DIP2B: variants seen among roughly 807,000 people sequenced by gnomAD.
DIP2B encodes the protein DIP2 acetate--CoA ligase B (putative).
In DIP2B, 76 loss-of-function variants were observed where a neutral mutation model predicts 198.0. The observed-to-expected ratio is 0.38, with a 90% CI of 0.32 to 0.46. DIP2B has a LOEUF of 0.46. DIP2B is among the 20% of genes least tolerant of loss of function. The pLI, the probability that DIP2B is intolerant of heterozygous loss-of-function variation, is 0.99. For missense variants in DIP2B, 1,559 were observed against 1,978.4 expected (o/e 0.79, Z 4.02); for synonymous variants, 701 against 739.1 (o/e 0.95, Z 0.84).
chr12:50,683,802 A>G (rs1488705504), intron 10 of DIP2B, among the ~76,000 whole-genome samples: 1 of 151,194 alleles, frequency 6.6e-6, no homozygotes, highest in Non-Finnish European at 1.5e-5. Context: ...AGATAAATAA[A>G]TAAAAAATAA....
intron 17 of DIP2B, among the ~76,000 whole-genome samples, chr12:50,697,836 G>A (rs374223246): frequency 9.2e-5 from 14 of 151,588 alleles, no homozygotes; most frequent in African/African-American, 2.9e-4. Flanking sequence ...GGCCCAGTAC[G>A]CAATACTTGA....
At position 50,648,520 on chromosome 12, in the gene DIP2B, C is replaced by T. The variant is rs182456293; in HGVS notation, c.301+7668C>T. ...CTGGGACTACAGGCACCTGCCACCA[C>T]GCCCGGCTAATTTTTTGTATTTTTA... is the stretch of plus-strand genomic sequence containing the variant. On this transcript the variant is annotated intron_variant, in intron 3 of 37. Coordinates refer to ENST00000301180, the MANE Select transcript of DIP2B (RefSeq NM_173602.3). 1.5e-3 allele frequency among the ~76,000 whole-genome samples: 233 copies of T among 152,140 alleles called. 2 individuals are homozygous for T. Among genetic ancestry groups the T allele is most frequent in the African/African-American group, 5.4e-3 (224 of 41,540 alleles).
intron 1 of DIP2B, among the ~76,000 whole-genome samples, chr12:50,530,015 T>C (rs1010463756): frequency 6.6e-6 from 1 of 152,206 alleles, no homozygotes; most frequent in African/African-American, 2.4e-5. Context: ...TAAAAAATAA[T>C]GCATTGTTCT....
chr12:50,614,176 C>G (rs1937653506), intron 1 of DIP2B, among the ~76,000 whole-genome samples: 1 of 152,256 alleles, frequency 6.6e-6, no homozygotes, highest in Middle Eastern at 3.4e-3. Context: ...TAAAACTGTT[C>G]TTAACTGGGC....
intron 1 of DIP2B, among the ~76,000 whole-genome samples, chr12:50,539,710 A>G (rs1237140074): frequency 6.6e-6 from 1 of 152,046 alleles, no homozygotes; most frequent in Non-Finnish European, 1.5e-5. Flanking sequence ...TAAAAGCTTA[A>G]AACACCTCTG....
intron 1 of DIP2B, among the ~76,000 whole-genome samples, chr12:50,541,240 C>T (rs1161831205): frequency 6.6e-6 from 1 of 152,062 alleles, no homozygotes; most frequent in African/African-American, 2.4e-5. Flanking sequence ...GTAAGTTCTT[C>T]CAGTCTTGAA....
intron 1 of DIP2B, among the ~76,000 whole-genome samples, chr12:50,605,185 C>T (rs1958970922): frequency 6.6e-6 from 1 of 152,144 alleles, no homozygotes; most frequent in African/African-American, 2.4e-5. Flanking sequence ...ATTCACGTAT[C>T]ATACAATATA....
Position 50,585,827 on chromosome 12 carries a change from C to T in DIP2B, c.101-40149C>T, listed in dbSNP as rs147836814. ...GAGAGACTCCCCAGAAGGTGACTTGCAGTCATCTAAGAGGATAACACTTTT... is the reference window on the plus strand; with the variant it reads ...GAGAGACTCCCCAGAAGGTGACTTGTAGTCATCTAAGAGGATAACACTTTT... On this transcript the variant is annotated intron_variant, in intron 1 of 37. Coordinates refer to ENST00000301180, the MANE Select transcript of DIP2B (RefSeq NM_173602.3). 2.9e-3 allele frequency among the ~76,000 whole-genome samples: 449 copies of T among 152,328 alleles called. 1 individual carries two copies. The highest frequency in any genetic ancestry group is 5.1e-3 in the Non-Finnish European group (346 of 68,032).
intron 1 of DIP2B, among the ~76,000 whole-genome samples, chr12:50,560,287 C>T (rs982601614): frequency 7.9e-5 from 12 of 151,342 alleles, no homozygotes; most frequent in African/African-American, 2.7e-4. Context: ...CCCAGCTACT[C>T]GGGAGGCTGA....
chr12:50,637,152 G>A (rs1439488603), intron 2 of DIP2B, among the ~76,000 whole-genome samples: 1 of 152,132 alleles, frequency 6.6e-6, no homozygotes, highest in Non-Finnish European at 1.5e-5. Context: ...GGAAAAATCT[G>A]TAACGGGCAT....
chr12:50,671,807 T>C (rs1938859792), intron 5 of DIP2B, among the ~76,000 whole-genome samples: 1 of 152,244 alleles, frequency 6.6e-6, no homozygotes, highest in South Asian at 2.1e-4. Context: ...GCAAAATCTA[T>C]ACTGAGCCAA....
In DIP2B at chr12:50,725,484, T is replaced by C. The variant is rs116939641; in HGVS notation, c.3400+598T>C. Among the ~76,000 whole-genome samples the C allele has an allele frequency of 3.0e-3, 463 of 152,320 alleles. 8 individuals carry two copies. In the East Asian group the frequency reaches 0.052, roughly 17 times the overall value. ...AAGATAAGGGAATAGCTGAAAAAGC[T>C]GTGGTATAGGAAGAGTGTGGGTGTT... On this transcript the variant is annotated intron_variant, in intron 28 of 37. Coordinates refer to ENST00000301180, the MANE Select transcript of DIP2B (RefSeq NM_173602.3).
chr12:50,600,360 C>A (rs1397128635), intron 1 of DIP2B, among the ~76,000 whole-genome samples: 1 of 152,120 alleles, frequency 6.6e-6, no homozygotes, highest in Admixed American at 6.5e-5. Flanking sequence ...TAAATTGATT[C>A]CTGTTCTCCA....
chr12:50,574,655 T>TA (rs755813360), intron 1 of DIP2B, among the ~76,000 whole-genome samples: 1 of 152,258 alleles, frequency 6.6e-6, no homozygotes, highest in African/African-American at 2.4e-5. Flanking sequence ...CTAAAGATGT[T>TA]ACAACTGGTG....
At chr12:50,717,785 GC>G (rs1056631779) in intron 23 of DIP2B, among the ~76,000 whole-genome samples, 25 of 150,486 alleles carry the variant, frequency 1.7e-4, no homozygotes, top group African/African-American at 6.1e-4. Context: ...ACAGGGTTTT[GC>G]CATGTTGCCC....
At chr12:50,686,037 G>C in intron 11 of DIP2B, 81 bp downstream of exon 11, 2 of 1,379,754 alleles carry the variant, frequency 1.4e-6, no homozygotes. Flanking sequence ...GTAATAGCTA[G>C]GTACTTTACA....
intron 1 of DIP2B, among the ~76,000 whole-genome samples, chr12:50,512,873 G>A (rs1041994826): frequency 3.3e-5 from 5 of 152,120 alleles, no homozygotes; most frequent in African/African-American, 7.2e-5. Flanking sequence ...CGGGCGTGGC[G>A]GCATGCACCT....
At chr12:50,604,303 C>CT (rs1958963603) in intron 1 of DIP2B, among the ~76,000 whole-genome samples, 1 of 152,044 alleles carries the variant, frequency 6.6e-6, no homozygotes, top group African/African-American at 2.4e-5. Flanking sequence ...AAGCATATAT[C>CT]CAACCTCATT....
intron 1 of DIP2B, among the ~76,000 whole-genome samples, chr12:50,532,360 C>G (rs976966000): frequency 2.6e-5 from 4 of 151,864 alleles, no homozygotes; most frequent in African/African-American, 9.7e-5. Flanking sequence ...ACTAAAAATA[C>G]AAAAATTAGC....
Sources: gnomAD v4.1 joint callset for allele counts (sites outside exome capture counted in the v4.1 genomes callset) on GRCh38, gnomAD v4.1.1 for gene constraint, MANE v1.5 for transcripts, NCBI Gene and HGNC (gene_info 2026-07-23, HGNC 2026-07-21) for gene names.